Variants in MAP3K15 observed in about 807,000 individuals in gnomAD.
The protein encoded by MAP3K15 is MAPK/ERK kinase kinase 15.
In MAP3K15, 124 loss-of-function variants were observed where a neutral mutation model predicts 99.5. That is an observed-to-expected ratio of 1.25 (90% CI 1.08 to 1.45). MAP3K15 has a LOEUF of 1.45. MAP3K15 is among the 40% of genes most tolerant of loss of function. The pLI, the probability that MAP3K15 is intolerant of heterozygous loss-of-function variation, is 0.00. For missense variants in MAP3K15, 1,242 were observed against 1,079.7 expected, an observed-to-expected ratio of 1.15 and a Z score of -2.11; for synonymous variants, 494 against 439.6, an observed-to-expected ratio of 1.12 and a Z score of -1.55.
At chrX:19,375,410 T>C (rs1313120329) in intron 19 of MAP3K15, among the ~76,000 whole-genome samples, 1 of 111,776 alleles carries the variant, frequency 8.9e-6, no homozygotes, top group African/African-American at 3.3e-5. Flanking sequence ...TGCCAATGTA[T>C]AGACAGGTAA....
At chrX:19,467,346 A>G (rs2064175571) in intron 3 of MAP3K15, among the ~76,000 whole-genome samples, 1 of 110,496 alleles carries the variant, frequency 9.1e-6, no homozygotes, top group African/African-American at 3.3e-5. Flanking sequence ...AGACCAGGCC[A>G]CCAACATTCT....
At chrX:19,469,339 C>T (rs1285370718) in intron 3 of MAP3K15, among the ~76,000 whole-genome samples, 5 of 111,887 alleles carry the variant, frequency 4.5e-5, no homozygotes, top group African/African-American at 1.6e-4. Context: ...GGAAAACTGG[C>T]TAGCCATATG....
chrX:19,375,292 C>T lies in MAP3K15; in HGVS notation c.2590-632G>A, dbSNP rs749725653. Among the ~76,000 whole-genome samples, 12 of 111,985 alleles carry T rather than the reference C, an allele frequency of 1.1e-4. No individual in the cohort carries two copies. In the East Asian group the frequency reaches 1.1e-3, roughly 11 times the overall value. ...AAGGCATCTGTTACCTGTTCCCTGA[C>T]GCACAGGGTCCCCAAGAGATGCCTT... is the stretch of plus-strand genomic sequence containing the variant. On this transcript the variant is annotated intron_variant, in intron 19 of 28. Coordinates refer to ENST00000338883, the MANE Select transcript of MAP3K15 (RefSeq NM_001001671.4).
intron 19 of MAP3K15, among the ~76,000 whole-genome samples, chrX:19,377,393 A>G (rs180795332): frequency 1.3e-4 from 14 of 111,474 alleles, no homozygotes; most frequent in Admixed American, 6.7e-4. Context: ...TAAAAATACA[A>G]AATAGCCAGG....
At chrX:19,483,144 G>T (rs1363895748) in intron 3 of MAP3K15, among the ~76,000 whole-genome samples, 1 of 108,730 alleles carries the variant, frequency 9.2e-6, no homozygotes, top group Admixed American at 9.8e-5. Flanking sequence ...TGTATTCCCA[G>T]GTACTCGGGA....
At chrX:19,510,314 C>T (rs939075855) in intron 1 of MAP3K15, among the ~76,000 whole-genome samples, 5 of 111,749 alleles carry the variant, frequency 4.5e-5, no homozygotes, top group Non-Finnish European at 9.4e-5. Flanking sequence ...ACTGGCAAAC[C>T]GAATCCAGCA....
intron 6 of MAP3K15, among the ~76,000 whole-genome samples, chrX:19,455,340 CTTTTT>C (rs1416430423): frequency 1.0e-5 from 1 of 99,260 alleles, no homozygotes; most frequent in Non-Finnish European, 1.9e-5. Flanking sequence ...GTCTTTTTTT[CTTTTT>C]TCTTTTTTTT....
At chrX:19,416,274 T>C (rs900563325) in intron 9 of MAP3K15, among the ~76,000 whole-genome samples, 27 of 110,420 alleles carry the variant, frequency 2.4e-4, no homozygotes, top group Middle Eastern at 4.7e-3. Context: ...GAGGTTGCAG[T>C]GAGCTGAGAT....
chrX:19,450,887 C>CAA (rs147599064), intron 6 of MAP3K15, among the ~76,000 whole-genome samples: 5 of 101,757 alleles, frequency 4.9e-5, no homozygotes, highest in African/African-American at 1.8e-4. Flanking sequence ...GTTCATTTAT[C>CAA]AAAAAAAAAA....
intron 3 of MAP3K15, chrX:19,482,258 A>G (rs868245699): frequency 2.7e-5 from 3 of 110,351 alleles, no homozygotes; most frequent in African/African-American, 1.0e-4. Flanking sequence ...GAGGAAAAAA[A>G]AAATGTGCCC....
chrX:19,360,450 G>T lies in MAP3K15; in HGVS notation c.*299C>A. On this transcript the variant is annotated 3_prime_UTR_variant, in exon 29 of 29. Coordinates refer to ENST00000338883, the MANE Select transcript of MAP3K15 (RefSeq NM_001001671.4). ...TCACTGCAGCCTCCACACCTCCTGG[G>T]CTCAAGCAATCCTCCCACCTCAGCC... 1 of 236,661 alleles carries T rather than the reference G, an allele frequency of 4.2e-6. No homozygotes were observed. The highest frequency in any genetic ancestry group is 7.6e-6 in the Non-Finnish European group (1 of 131,253). The allele number at this position is 236,661 out of a possible 1,213,427, so 19.5% of individuals were successfully genotyped here.
chrX:19,369,413 C>T (rs1029026599), intron 24 of MAP3K15, among the ~76,000 whole-genome samples, 194 bp from the exon 25 acceptor site: 11 of 111,606 alleles, frequency 9.9e-5, no homozygotes, highest in Non-Finnish European at 2.1e-4. Flanking sequence ...AAGTTGATCA[C>T]GCCAGTTTCC....
Position 19,442,314 on chromosome X carries a change from A to G in MAP3K15, c.996-10706T>C, listed in dbSNP as rs78470140. Among the ~76,000 whole-genome samples, 625 of 111,002 alleles carry G rather than the reference A, an allele frequency of 5.6e-3. 11 individuals are homozygous for G. The East Asian group carries it at 0.056, about 10-fold the overall frequency. On this transcript the variant is annotated intron_variant, in intron 6 of 28. Transcript: ENST00000338883. ...GTATCAACGGTAATTATGTTTTTAT[A>G]TTTTTCTGTATACAATGAGTATGTC...
chrX:19,385,846 G>C (rs1245016836), intron 18 of MAP3K15, among the ~76,000 whole-genome samples: 1 of 111,767 alleles, frequency 8.9e-6, no homozygotes, highest in Non-Finnish European at 1.9e-5. Flanking sequence ...AGTAGCACGT[G>C]TAAGGATTTC....
chrX:19,379,693 C>T (rs376259370), intron 19 of MAP3K15, among the ~76,000 whole-genome samples: 6 of 110,687 alleles, frequency 5.4e-5, no homozygotes, highest in Admixed American at 4.8e-4. Flanking sequence ...CCACCCATCT[C>T]GGCCTCCCAA....
At chrX:19,443,233 A>G (rs1383596783) in intron 6 of MAP3K15, among the ~76,000 whole-genome samples, 1 of 106,243 alleles carries the variant, frequency 9.4e-6, no homozygotes, top group African/African-American at 3.5e-5. Context: ...GGGTTTTACC[A>G]TGTAGACCAG....
At chrX:19,382,281 C>T (rs1386138765) in intron 18 of MAP3K15, among the ~76,000 whole-genome samples, 3 of 101,861 alleles carry the variant, frequency 2.9e-5, no homozygotes, top group East Asian at 3.0e-4. Flanking sequence ...AAGCAAAGGG[C>T]GCACTGGCTA....
chrX:19,436,476 C>G (rs2063922928), intron 6 of MAP3K15, among the ~76,000 whole-genome samples: 1 of 111,404 alleles, frequency 9.0e-6, no homozygotes, highest in Admixed American at 9.6e-5. Context: ...TACCCTTGGA[C>G]ATTTCATCTT....
At chrX:19,425,448 G>T in intron 9 of MAP3K15, 83 bp downstream of exon 9, 1 of 960,985 alleles carries the variant, frequency 1.0e-6, no homozygotes, top group African/African-American at 1.9e-5. Flanking sequence ...GTCAGAAGGA[G>T]AAACATAGTG....
Sources: allele counts gnomAD v4.1 joint callset (sites outside exome capture counted in the v4.1 genomes callset), GRCh38; gene constraint gnomAD v4.1.1; transcripts MANE v1.5; gene names NCBI Gene and HGNC (gene_info 2026-07-23, HGNC 2026-07-21).